The following WDR49 variants were observed in gnomAD, a reference collection of about 807,000 sequenced individuals.
WDR49 encodes the protein WD repeat domain 49.
A neutral mutation model predicts 119.5 loss-of-function variants in WDR49; 107 were observed. The observed-to-expected ratio is 0.90, with a 90% CI of 0.77 to 1.05. The LOEUF (loss-of-function observed/expected upper bound fraction) is 1.05, where lower values mean the gene tolerates loss of function less well. Among genes scored for constraint, WDR49 ranks in the 50% least tolerant of loss-of-function variants. The pLI is 0.00. For missense variants in WDR49, 1,240 were observed against 1,220.5 expected, an observed-to-expected ratio of 1.02 and a Z score of -0.24; for synonymous variants, 425 against 418.8, an observed-to-expected ratio of 1.01 and a Z score of -0.18.
At chr3:167,575,543 T>C (rs936866808) in intron 8 of WDR49, among the ~76,000 whole-genome samples, 1 of 152,220 alleles carries the variant, frequency 6.6e-6, no homozygotes, top group East Asian at 1.9e-4. Flanking sequence ...TCATGCATAT[T>C]TCAGAACTTT....
chr3:167,504,626 G>A (rs982203288), intron 17 of WDR49, among the ~76,000 whole-genome samples: 3 of 152,314 alleles, frequency 2.0e-5, no homozygotes, highest in East Asian at 1.9e-4. Flanking sequence ...GCTGGAATGA[G>A]TTAAGACTTT....
chr3:167,483,542 T>C (rs1212245494), intron 18 of WDR49, among the ~76,000 whole-genome samples: 1 of 152,166 alleles, frequency 6.6e-6, no homozygotes, highest in African/African-American at 2.4e-5. Context: ...CAGGGGTGGA[T>C]CCCTGTTTCT....
At chr3:167,647,751 T>C (rs1718191804) in intron 2 of WDR49, among the ~76,000 whole-genome samples, 1 of 152,164 alleles carries the variant, frequency 6.6e-6, no homozygotes, top group African/African-American at 2.4e-5. Context: ...TATATACAGG[T>C]GAGACTAAGC....
intron 7 of WDR49, among the ~76,000 whole-genome samples, chr3:167,587,860 GAT>G (rs1195285786): frequency 2.6e-5 from 4 of 151,998 alleles, no homozygotes; most frequent in Non-Finnish European, 4.4e-5. Flanking sequence ...GATTACATGA[GAT>G]ATTCTGATAC....
rs1009242725 is a variant in WDR49 at position 167,575,352 on chromosome 3, G to C, written c.1509+566C>G. On this transcript the variant is annotated intron_variant, in intron 8 of 18. Transcript: ENST00000682715. ...GCTTCTTCATTGAGATGCAGGTAGT[G>C]GTCCCCTAAGCCAAGGCTGCGGAGC... 5.3e-6 allele frequency: 5 copies of C among 945,012 alleles called. No individual in the cohort carries two copies. In the African/African-American group the frequency reaches 8.9e-5, roughly 17 times the overall value. The allele number at this position is 945,012 out of a possible 1,614,324, so 58.5% of individuals were successfully genotyped here. A position where few individuals can be genotyped will look rare whatever the true frequency, so the allele number is the denominator to read the frequency against.
chr3:167,483,748 T>C (rs1049427579), intron 18 of WDR49, among the ~76,000 whole-genome samples: 1 of 152,152 alleles, frequency 6.6e-6, no homozygotes, highest in Non-Finnish European at 1.5e-5. Flanking sequence ...CTGGAAATGA[T>C]TGTTGCTTGT....
chr3:167,500,248 T>C lies in WDR49; in HGVS notation c.2936A>G (p.Asn979Ser). 6.2e-7 allele frequency: 1 copy of C among 1,607,456 alleles called. No individual in the cohort carries two copies. The highest frequency in any genetic ancestry group is 8.5e-7 in the Non-Finnish European group (1 of 1,178,068). Residue 979 changes from asparagine (N) to serine (S), a missense_variant, in exon 18 of 19, where the codon AAT becomes AGT. Coordinates refer to ENST00000682715, the MANE Select transcript of WDR49 (RefSeq NM_001366157.1). Reference sequence around the variant, plus strand: ...AGGGTCTAGAAGGAAAGCAGGTTTATTCACTTCAGGCAGCTCTTCCAGGGC... The same window carrying C: ...AGGGTCTAGAAGGAAAGCAGGTTTACTCACTTCAGGCAGCTCTTCCAGGGC... Reference protein sequence around the residue: ...IGALEELPEVNKPAFLLDPEK... With the variant: ...IGALEELPEVSKPAFLLDPEK...
chr3:167,495,883 GAAAA>G, intron 18 of WDR49, among the ~76,000 whole-genome samples: 8,232 of 70,896 alleles, frequency 0.12, 237 homozygotes, highest in East Asian at 0.42. Flanking sequence ...TTAAAAATTT[GAAAA>G]AAAAAAAAAA....
chr3:167,510,593 T>G lies in WDR49; in HGVS notation c.2775-5177A>C, dbSNP rs563005182. Among the ~76,000 whole-genome samples the G allele has an allele frequency of 2.9e-4, 44 of 152,302 alleles. 1 individual carries two copies. The South Asian group carries it at 9.1e-3, about 32-fold the overall frequency. On this transcript the variant is annotated intron_variant, in intron 16 of 18. Coordinates refer to ENST00000682715, the MANE Select transcript of WDR49 (RefSeq NM_001366157.1). Reference sequence around the variant, plus strand: ...TATATTCATCTCCCCAGGACTTAACTTGAAGATAACTCTTTACCATCTACC... The same window carrying G: ...TATATTCATCTCCCCAGGACTTAACGTGAAGATAACTCTTTACCATCTACC...
At chr3:167,573,638 T>C (rs115303386) in intron 8 of WDR49, among the ~76,000 whole-genome samples, 2,351 of 152,176 alleles carry the variant, frequency 0.015, 34 homozygotes, top group Non-Finnish European at 0.022. Flanking sequence ...AATAAATTAA[T>C]ATTATGATGA....
In WDR49 at chr3:167,604,338, A is replaced by G; in HGVS notation, c.1089T>C (p.Ile363=). The G allele has an allele frequency of 6.2e-7, 1 of 1,613,822 alleles. No homozygotes were observed. Among genetic ancestry groups the G allele is most frequent in the Non-Finnish European group, 8.5e-7 (1 of 1,179,856 alleles). ...NMTSFNIAQG[I]HAFDYHSRLN... ...GCCGAGAGTGATAATCAAAAGCATGAATGCCCTGGGCAATGTTGAAGGATG... is the reference window on the plus strand; with the variant it reads ...GCCGAGAGTGATAATCAAAAGCATGGATGCCCTGGGCAATGTTGAAGGATG... The change falls in exon 6 of 19, where the codon ATT becomes ATC. Residue 363 remains isoleucine, a synonymous_variant. Transcript: ENST00000682715.
At chr3:167,515,003 C>A (rs1355748229) in intron 16 of WDR49, among the ~76,000 whole-genome samples, 1 of 151,978 alleles carries the variant, frequency 6.6e-6, no homozygotes, top group Non-Finnish European at 1.5e-5. Flanking sequence ...AGCCTACAAA[C>A]CAAAAAAGCC....
At chr3:167,602,324 C>A in intron 6 of WDR49, 49 bp from the exon 7 acceptor site, 1 of 1,451,768 alleles carries the variant, frequency 6.9e-7, no homozygotes, top group Non-Finnish European at 9.3e-7. Flanking sequence ...CATGAATAGC[C>A]CACAGCATTT....
chr3:167,645,012 A>T (rs2108343893), intron 2 of WDR49, among the ~76,000 whole-genome samples: 1 of 152,002 alleles, frequency 6.6e-6, no homozygotes, highest in South Asian at 2.1e-4. Context: ...TTCTACATTA[A>T]AAAAGCTACA....
chr3:167,597,311 C>T (rs1715528713), intron 7 of WDR49, among the ~76,000 whole-genome samples: 1 of 152,200 alleles, frequency 6.6e-6, no homozygotes, highest in Non-Finnish European at 1.5e-5. Flanking sequence ...TGTGGGTGCA[C>T]AGAAGACAAG....
chr3:167,598,630 C>T (rs1233004210), intron 7 of WDR49, among the ~76,000 whole-genome samples: 1 of 152,228 alleles, frequency 6.6e-6, no homozygotes, highest in Admixed American at 6.5e-5. Flanking sequence ...TTCCTGAGGG[C>T]TCCCCAGCCA....
intron 5 of WDR49, among the ~76,000 whole-genome samples, chr3:167,615,005 T>C (rs893884828): frequency 7.2e-5 from 11 of 152,210 alleles, no homozygotes; most frequent in African/African-American, 2.7e-4. Context: ...CATCCTGCCT[T>C]TCCTCCTTCT....
intron 2 of WDR49, among the ~76,000 whole-genome samples, chr3:167,652,086 A>G (rs1264952483): frequency 6.6e-6 from 1 of 152,230 alleles, no homozygotes; most frequent in Non-Finnish European, 1.5e-5. Flanking sequence ...TACTTGGGGC[A>G]CTGGGCATGA....
intron 2 of WDR49, among the ~76,000 whole-genome samples, chr3:167,652,673 T>C (rs1253579429): frequency 6.6e-6 from 1 of 152,222 alleles, no homozygotes; most frequent in African/African-American, 2.4e-5. Context: ...TATGCAGAGT[T>C]AAAATGAAAA....
Sources: allele counts gnomAD v4.1 joint callset (sites outside exome capture counted in the v4.1 genomes callset), GRCh38; gene constraint gnomAD v4.1.1; transcripts MANE v1.5; gene names NCBI Gene and HGNC (gene_info 2026-07-23, HGNC 2026-07-21).